GABRB1: variants seen among roughly 807,000 people sequenced by gnomAD.
GABRB1 encodes gamma-aminobutyric acid type A receptor subunit beta1.
Under a neutral mutation model 51.6 loss-of-function variants are expected in GABRB1, and 17 were observed. The ratio of observed to expected loss-of-function variants is 0.33; its 90% confidence interval spans 0.23 to 0.49. GABRB1 has a LOEUF of 0.49. Among genes scored for constraint, GABRB1 ranks in the 20% least tolerant of loss-of-function variants. The pLI is 0.99. For synonymous variants in GABRB1, 247 were observed against 218.9 expected (o/e 1.13, Z -1.14); for missense variants, 410 against 600.6 (o/e 0.68, Z 3.32).
intron 3 of GABRB1, among the ~76,000 whole-genome samples, chr4:47,150,310 TCA>T (rs36066411): frequency 0.14 from 18,837 of 138,248 alleles, 1,444 homozygotes; most frequent in East Asian, 0.23. Flanking sequence ...TGAGAATCCA[TCA>T]CACACACACA....
chr4:47,056,698 A>T (rs1433062645), intron 3 of GABRB1, among the ~76,000 whole-genome samples: 1 of 152,180 alleles, frequency 6.6e-6, no homozygotes, highest in East Asian at 1.9e-4. Context: ...AAAGGAAAGG[A>T]TGTGAGCTGA....
intron 5 of GABRB1, among the ~76,000 whole-genome samples, chr4:47,376,150 TGGA>T (rs1265629962): frequency 6.6e-6 from 1 of 152,122 alleles, no homozygotes; most frequent in Non-Finnish European, 1.5e-5. Flanking sequence ...AAAGGAACAT[TGGA>T]GTTTTGGGTT....
In GABRB1 at chr4:47,311,347, G is replaced by C. The variant is rs370543632; in HGVS notation, c.462-8780G>C. Reference sequence around the variant, plus strand: ...GAATCTCTTGAAGCTGGGAGATGGAGGATGCAGTGAGCTGAGATCGTGCCA... The same window carrying C: ...GAATCTCTTGAAGCTGGGAGATGGACGATGCAGTGAGCTGAGATCGTGCCA... On this transcript the variant is annotated intron_variant, in intron 4 of 8. Coordinates refer to ENST00000295454, the MANE Select transcript of GABRB1 (RefSeq NM_000812.4). Among the ~76,000 whole-genome samples, 53 of 150,748 alleles carry C rather than the reference G, an allele frequency of 3.5e-4. No individual in the cohort carries two copies. The South Asian group carries it at 0.011, about 30-fold the overall frequency.
At chr4:47,077,155 G>T (rs1727592529) in intron 3 of GABRB1, among the ~76,000 whole-genome samples, 1 of 152,180 alleles carries the variant, frequency 6.6e-6, no homozygotes, top group African/African-American at 2.4e-5. Context: ...ATCTGAAAGT[G>T]AAATAGGGCT....
intron 5 of GABRB1, among the ~76,000 whole-genome samples, chr4:47,366,778 T>C (rs1726999445): frequency 6.6e-6 from 1 of 152,214 alleles, no homozygotes; most frequent in Non-Finnish European, 1.5e-5. Flanking sequence ...GTTTCCATTA[T>C]GATGAAAAGT....
intron 1 of GABRB1, among the ~76,000 whole-genome samples, chr4:47,005,300 C>T (rs1374577565): frequency 6.6e-6 from 1 of 152,178 alleles, no homozygotes; most frequent in Non-Finnish European, 1.5e-5. Flanking sequence ...CGCCTGTAGT[C>T]CCAGCTACTC....
At chr4:47,278,349 A>G (rs577589734) in intron 4 of GABRB1, among the ~76,000 whole-genome samples, 8 of 152,308 alleles carry the variant, frequency 5.3e-5, no homozygotes, top group African/African-American at 1.9e-4. Flanking sequence ...AAACACAGAA[A>G]TCTTTGAAAT....
intron 4 of GABRB1, among the ~76,000 whole-genome samples, chr4:47,230,532 G>C (rs975920941): frequency 6.6e-6 from 1 of 152,100 alleles, no homozygotes; most frequent in Non-Finnish European, 1.5e-5. Flanking sequence ...TGATAACACA[G>C]TTTCAGTTCT....
At chr4:47,195,149 G>C (rs1488600976) in intron 4 of GABRB1, among the ~76,000 whole-genome samples, 2 of 152,118 alleles carry the variant, frequency 1.3e-5, no homozygotes, top group African/African-American at 2.4e-5. Context: ...GGCGGATCAC[G>C]AGGTCATGAA....
rs369810694 is a variant in GABRB1, at chr4:47,041,854, AC to A, written c.240+9372del. Among the ~76,000 whole-genome samples the A allele has an allele frequency of 7.4e-4, 112 of 152,108 alleles. 3 individuals carry two copies. In the East Asian group the frequency reaches 0.017, roughly 23 times the overall value. Reference sequence around the variant, plus strand: ...GTGGCCATTATTTCTACCTCCTGCCACCTGCAAACCCTCTCCCACCCAAATG... The same window carrying A: ...GTGGCCATTATTTCTACCTCCTGCCACTGCAAACCCTCTCCCACCCAAATG... On this transcript the variant is annotated intron_variant, in intron 3 of 8. Coordinates refer to ENST00000295454, the MANE Select transcript of GABRB1 (RefSeq NM_000812.4).
chr4:47,217,648 CTTAT>C (rs1419979560), intron 4 of GABRB1, among the ~76,000 whole-genome samples: 2 of 151,512 alleles, frequency 1.3e-5, no homozygotes, highest in Non-Finnish European at 3.0e-5. Context: ...CCCTCCCCAG[CTTAT>C]TTATTTCCTT....
chr4:47,107,632 T>G lies in GABRB1; in HGVS notation c.241-53617T>G, dbSNP rs2109620056. ...ATAATATCAACTCCTTAAAGGTTGTTGTAGGAATAAAGTTAGTTGACATAT... is the reference window on the plus strand; with the variant it reads ...ATAATATCAACTCCTTAAAGGTTGTGGTAGGAATAAAGTTAGTTGACATAT... On this transcript the variant is annotated intron_variant, in intron 3 of 8. Coordinates refer to ENST00000295454, the MANE Select transcript of GABRB1 (RefSeq NM_000812.4). Among the ~76,000 whole-genome samples the G allele has an allele frequency of 1.3e-5, 2 of 152,198 alleles. 1 individual carries two copies. Among genetic ancestry groups the G allele is most frequent in the Middle Eastern group, 6.8e-3 (2 of 294 alleles).
At chr4:47,011,996 T>TA (rs1724595903) in intron 1 of GABRB1, among the ~76,000 whole-genome samples, 1 of 152,170 alleles carries the variant, frequency 6.6e-6, no homozygotes, top group Non-Finnish European at 1.5e-5. Context: ...ATTCAGAATT[T>TA]AAAAATAAAT....
At chr4:47,183,910 T>C (rs574439402) in intron 4 of GABRB1, among the ~76,000 whole-genome samples, 49 of 152,030 alleles carry the variant, frequency 3.2e-4, no homozygotes, top group Non-Finnish European at 3.7e-4. Flanking sequence ...TTGGACTACT[T>C]GCTTTATTAC....
chr4:47,166,121 CTCTGCTTATT>C (rs1213431817), intron 4 of GABRB1, among the ~76,000 whole-genome samples: 1 of 152,070 alleles, frequency 6.6e-6, no homozygotes, highest in African/African-American at 2.4e-5. Flanking sequence ...ATCTAAGACC[CTCTGCTTATT>C]TCTGTAAACA....
In GABRB1 at chr4:47,019,619, T is replaced by TTCTCTC. The variant is rs1175048632; in HGVS notation, c.-19-12291_-19-12286dup. Among the ~76,000 whole-genome samples the TTCTCTC allele has an allele frequency of 7.5e-3, 805 of 108,028 alleles. 11 individuals carry two copies. The highest frequency in any genetic ancestry group is 0.011 in the Non-Finnish European group (603 of 53,124). The allele number at this position is 108,028 out of a possible 152,430, so 70.9% of individuals were successfully genotyped here. A position where few individuals can be genotyped will look rare whatever the true frequency, so the allele number is the denominator to read the frequency against. On this transcript the variant is annotated intron_variant, in intron 1 of 3. Coordinates refer to the GABRB1 transcript ENST00000513567. Reference sequence around the variant, plus strand: ...CTCCCTTCCTCCCTTCTTTCTTTCTTTCTCTCTCTTTCTTTCTTTCTTTCT... The same window carrying TTCTCTC: ...CTCCCTTCCTCCCTTCTTTCTTTCTTTCTCTCTCTCTCTCTTTCTTTCTTTCTTTCT...
At chr4:47,077,826 A>T (rs113127598) in intron 3 of GABRB1, among the ~76,000 whole-genome samples, 2 of 141,508 alleles carry the variant, frequency 1.4e-5, no homozygotes, top group East Asian at 2.0e-4. Context: ...AAAAAATATA[A>T]TATATATTAT....
intron 3 of GABRB1, among the ~76,000 whole-genome samples, chr4:47,142,779 A>T (rs1358073339): frequency 6.6e-6 from 1 of 152,006 alleles, no homozygotes; most frequent in Non-Finnish European, 1.5e-5. Context: ...GGAAAAACAG[A>T]CAAGATCAAG....
At chr4:47,290,630 G>C (rs189578770) in intron 4 of GABRB1, among the ~76,000 whole-genome samples, 4 of 152,282 alleles carry the variant, frequency 2.6e-5, no homozygotes, top group Admixed American at 2.6e-4. Context: ...GCCTGATAGC[G>C]ATATGGACAA....
Sources: gnomAD v4.1 joint callset for allele counts (sites outside exome capture counted in the v4.1 genomes callset) on GRCh38, gnomAD v4.1.1 for gene constraint, MANE v1.5 for transcripts, NCBI Gene and HGNC (gene_info 2026-07-23, HGNC 2026-07-21) for gene names.